The following DOCK1 variants were observed in gnomAD, a reference collection of about 807,000 sequenced individuals.
The protein encoded by DOCK1 is dedicator of cytokinesis protein 1.
In DOCK1, 138 loss-of-function variants were observed where a neutral mutation model predicts 262.7. That is an observed-to-expected ratio of 0.53 (90% confidence interval 0.46 to 0.61). DOCK1 has a LOEUF of 0.61. Ranked by LOEUF, DOCK1 falls within the 20% of genes least tolerant of loss-of-function variation. The pLI is 0.00. For missense variants in DOCK1, 1,908 were observed against 2,370.7 expected (o/e 0.80, Z 4.05); for synonymous variants, 866 against 867.4 (o/e 1.00, Z 0.03).
At chr10:127,410,295 G>A (rs1217978439) in intron 42 of DOCK1, among the ~76,000 whole-genome samples, 2 of 152,158 alleles carry the variant, frequency 1.3e-5, no homozygotes, top group African/African-American at 2.4e-5. Context: ...CTTCTCAGAT[G>A]CAGTAGTTTC....
chr10:127,074,723 A>G (rs2046414101), intron 23 of DOCK1, among the ~76,000 whole-genome samples: 1 of 152,216 alleles, frequency 6.6e-6, no homozygotes, highest in African/African-American at 2.4e-5. Context: ...TAGTGAAATG[A>G]TTAAGAAAGA....
At position 127,429,843 on chromosome 10, in the gene DOCK1, G is replaced by A. The variant is rs113678190; in HGVS notation, c.4915-3440G>A. ...AGCGCCACGTTCGGCATTGGCCCCCGTGCCCTCACCAGCCCACAGCGTGCA... is the reference window on the plus strand; with the variant it reads ...AGCGCCACGTTCGGCATTGGCCCCCATGCCCTCACCAGCCCACAGCGTGCA... On this transcript the variant is annotated intron_variant, in intron 47 of 51. Transcript: ENST00000623213. Among the ~76,000 whole-genome samples the A allele has an allele frequency of 4.4e-3, 656 of 149,668 alleles. 8 individuals are homozygous for A. The highest frequency in any genetic ancestry group is 0.015 in the African/African-American group (608 of 39,544).
chr10:127,137,792 C>T (rs1423319717), intron 27 of DOCK1: 3 of 1,547,232 alleles, frequency 1.9e-6, no homozygotes, highest in South Asian at 1.2e-5. Flanking sequence ...ACTTAAACTC[C>T]AGTGGGTTCT....
chr10:127,031,357 C>T (rs2043227722), intron 16 of DOCK1, among the ~76,000 whole-genome samples: 1 of 152,124 alleles, frequency 6.6e-6, no homozygotes, highest in Admixed American at 6.5e-5. Context: ...TCTTCTTGGC[C>T]CTTTATCCTG....
In DOCK1 at chr10:127,043,049, T is replaced by C. The variant is rs1486937550; in HGVS notation, c.2101-15T>C. Reference sequence around the variant, plus strand: ...ATTATGTTGCTAATGAAAATATTATTGATTAATTTGACAGGTATTTATCAT... The same window carrying C: ...ATTATGTTGCTAATGAAAATATTATCGATTAATTTGACAGGTATTTATCAT... On this transcript the variant is annotated splice_polypyrimidine_tract_variant and intron_variant, in intron 20 of 51. Coordinates refer to ENST00000623213, the MANE Select transcript of DOCK1 (RefSeq NM_001290223.2). 4 of 1,568,164 alleles carry C rather than the reference T, an allele frequency of 2.6e-6. No homozygotes were observed. The African/African-American group carries it at 5.4e-5, about 21-fold the overall frequency.
intron 23 of DOCK1, among the ~76,000 whole-genome samples, chr10:127,076,341 A>C (rs938168344): frequency 1.1e-4 from 17 of 152,288 alleles, no homozygotes; most frequent in African/African-American, 3.6e-4. Flanking sequence ...CTCTACTAAA[A>C]ATACAAAAAA....
rs760275463 is a variant in DOCK1 at position 127,018,730 on chromosome 10, T to G, written c.1222T>G (p.Leu408Val). The G allele has an allele frequency of 6.2e-7, 1 of 1,613,992 alleles. No individual in the cohort carries two copies. The highest frequency in any genetic ancestry group is 1.1e-5 in the South Asian group (1 of 91,078). ...TCCAGGTTTGTGGGTAACATTGAAA[T>G]TACTTCCTGGAGATATCCATCAGAT... ...KGQGLWVTLK[L>V]LPGDIHQIRK... The change falls in exon 13 of 52, where the codon TTA becomes GTA. Residue 408 changes from leucine to valine, a missense_variant. Around this residue, in one of 9 missense-constraint regions of DOCK1, gnomAD observed 294 missense variants for 439.9 expected, o/e 0.67. Coordinates refer to ENST00000623213, the MANE Select transcript of DOCK1 (RefSeq NM_001290223.2).
At chr10:127,289,401 A>G (rs2061272773) in intron 29 of DOCK1, among the ~76,000 whole-genome samples, 1 of 152,136 alleles carries the variant, frequency 6.6e-6, no homozygotes, top group South Asian at 2.1e-4. Context: ...TTACTGTTAT[A>G]GATGGTGCTT....
intron 35 of DOCK1, among the ~76,000 whole-genome samples, chr10:127,375,085 C>G (rs1321007722): frequency 6.6e-6 from 1 of 152,260 alleles, no homozygotes. Context: ...CCTGATACAG[C>G]TGGGTTCTGT....
At position 127,452,056 on chromosome 10, in the gene DOCK1, T is replaced by C. The variant is rs2071000812; in HGVS notation, c.*629T>C. ...GGGGTGGAAACAGCATTAAGAATAC[T>C]GAATCAAATGGAAAAACAAATGAAT... On this transcript the variant is annotated 3_prime_UTR_variant, in exon 52 of 52. Coordinates refer to ENST00000623213, the MANE Select transcript of DOCK1 (RefSeq NM_001290223.2). 2 of 152,708 alleles carry C rather than the reference T, an allele frequency of 1.3e-5. No homozygotes were observed. Among genetic ancestry groups the C allele is most frequent in the African/African-American group, 2.4e-5 (1 of 41,464 alleles). 9.5% of individuals were successfully genotyped at this position (152,708 alleles called of 1,614,324 possible).
intron 27 of DOCK1, among the ~76,000 whole-genome samples, chr10:127,163,784 C>A (rs939940971): frequency 4.0e-5 from 6 of 149,816 alleles, no homozygotes; most frequent in Non-Finnish European, 7.4e-5. Flanking sequence ...ACTTCCGTGT[C>A]TGGATAAAGC....
chr10:127,298,487 C>G (rs549932738), intron 29 of DOCK1, among the ~76,000 whole-genome samples: 2 of 152,220 alleles, frequency 1.3e-5, no homozygotes, highest in Non-Finnish European at 2.9e-5. Context: ...ACTGGAGTAT[C>G]CTTCAGTTCT....
rs35712812 is a variant in DOCK1, at chr10:127,150,990, G to A, written c.2847+23226G>A. Among the ~76,000 whole-genome samples, 1,506 of 152,266 alleles carry A rather than the reference G, an allele frequency of 9.9e-3. 23 individuals are homozygous for A. Among genetic ancestry groups the A allele is most frequent in the African/African-American group, 0.035 (1,443 of 41,540 alleles). On this transcript the variant is annotated intron_variant, in intron 27 of 51. Coordinates refer to ENST00000623213, the MANE Select transcript of DOCK1 (RefSeq NM_001290223.2). ...TCAAATGGGAGATTTCAATTCATGC[G>A]ATTCAAATTAAAATAACATGTTTAA...
intron 22 of DOCK1, among the ~76,000 whole-genome samples, chr10:127,060,038 T>C (rs2045427628): frequency 6.6e-6 from 1 of 152,216 alleles, no homozygotes; most frequent in African/African-American, 2.4e-5. Context: ...CTCCATTTAC[T>C]GTGCCTCTGG....
chr10:126,906,607 G>A (rs2030895166), intron 1 of DOCK1, among the ~76,000 whole-genome samples: 1 of 152,282 alleles, frequency 6.6e-6, no homozygotes, highest in East Asian at 1.9e-4. Context: ...GCCTCCCACA[G>A]CCCAGGCTGT....
chr10:127,433,184 T>C lies in DOCK1; in HGVS notation c.4915-99T>C, dbSNP rs193159767. 4 of 1,500,188 alleles carry C rather than the reference T, an allele frequency of 2.7e-6. No homozygotes were observed. In the East Asian group the frequency reaches 9.1e-5, roughly 34 times the overall value. 92.9% of individuals were successfully genotyped at this position (1,500,188 alleles called of 1,614,324 possible). On this transcript the variant is annotated intron_variant, in intron 47 of 51. Coordinates refer to ENST00000623213, the MANE Select transcript of DOCK1 (RefSeq NM_001290223.2). Reference sequence around the variant, plus strand: ...TTTACAGAAGTCTGAACGATGATGGTCTCGATTCCACACAGCTAAGGCCAC... The same window carrying C: ...TTTACAGAAGTCTGAACGATGATGGCCTCGATTCCACACAGCTAAGGCCAC...
intron 38 of DOCK1, among the ~76,000 whole-genome samples, chr10:127,396,666 T>C (rs1396802402): frequency 6.6e-6 from 1 of 151,706 alleles, no homozygotes; most frequent in African/African-American, 2.4e-5. Context: ...CAACTGTATC[T>C]CTTGCTGCCT....
intron 27 of DOCK1, among the ~76,000 whole-genome samples, chr10:127,167,751 T>C (rs1341069801): frequency 6.6e-6 from 1 of 151,998 alleles, no homozygotes; most frequent in Non-Finnish European, 1.5e-5. Context: ...GAACTGGTCC[T>C]GTCCTTTTCT....
intron 32 of DOCK1, among the ~76,000 whole-genome samples, chr10:127,360,883 C>T (rs1414385078): frequency 6.6e-6 from 1 of 152,144 alleles, no homozygotes; most frequent in Non-Finnish European, 1.5e-5. Context: ...CCACTTTCCT[C>T]GTCTGTTTAA....
Sources: allele counts gnomAD v4.1 joint callset (sites outside exome capture counted in the v4.1 genomes callset), GRCh38; gene constraint gnomAD v4.1.1; regional missense constraint gnomAD v4.1.1; transcripts MANE v1.5; gene names NCBI Gene and HGNC (gene_info 2026-07-23, HGNC 2026-07-21).